ADAMTS16: variants seen among roughly 807,000 people sequenced by gnomAD.
The protein encoded by ADAMTS16 is A disintegrin and metalloproteinase with thrombospondin motifs 16.
A neutral mutation model predicts 145.8 loss-of-function variants in ADAMTS16; 94 were observed. The observed-to-expected ratio is 0.64, with a 90% CI of 0.55 to 0.77. ADAMTS16 has a LOEUF of 0.77. ADAMTS16 is among the 30% of genes least tolerant of loss of function. The pLI is 0.00. For synonymous variants in ADAMTS16, 659 were observed against 604.3 expected, an observed-to-expected ratio of 1.09 and a Z score of -1.33; for missense variants, 1,585 against 1,591.5, an observed-to-expected ratio of 1.00 and a Z score of 0.07.
chr5:5,257,664 C>G (rs1035400056), intron 17 of ADAMTS16, among the ~76,000 whole-genome samples: 3 of 152,218 alleles, frequency 2.0e-5, no homozygotes, highest in African/African-American at 7.2e-5. Flanking sequence ...ACTTCTGACA[C>G]CAAATTGGTG....
intron 12 of ADAMTS16, 71 bp downstream of exon 12, chr5:5,232,587 C>T (rs1158506210): frequency 3.5e-5 from 49 of 1,390,870 alleles, no homozygotes; most frequent in Middle Eastern, 2.3e-4. Context: ...AGCAGTATGC[C>T]TGTGTCTCAG....
At chr5:5,304,768 C>G (rs1435248778) in intron 20 of ADAMTS16, among the ~76,000 whole-genome samples, 7 of 152,072 alleles carry the variant, frequency 4.6e-5, no homozygotes, top group African/African-American at 1.7e-4. Context: ...ACTTCAGGTC[C>G]TCTTTCACCT....
intron 11 of ADAMTS16, among the ~76,000 whole-genome samples, chr5:5,231,562 C>T (rs1736925204): frequency 6.6e-6 from 1 of 152,140 alleles, no homozygotes; most frequent in Admixed American, 6.5e-5. Context: ...AAGAGACAAA[C>T]ATCTTCCTTC....
At chr5:5,247,997 G>A (rs1042211284) in intron 17 of ADAMTS16, among the ~76,000 whole-genome samples, 10 of 152,216 alleles carry the variant, frequency 6.6e-5, no homozygotes, top group East Asian at 5.8e-4. Flanking sequence ...TCCCTCTTCC[G>A]AGTTCAAGGT....
chr5:5,150,850 G>T lies in ADAMTS16; in HGVS notation c.501+4395G>T, dbSNP rs188486028. ...ATCCTACTGCTTTCTGACTTCCATT[G>T]TTTCTGGTGAGAAGTCAACTGTTTA... On this transcript the variant is annotated intron_variant, in intron 3 of 22. Transcript: ENST00000274181. Among the ~76,000 whole-genome samples, 105 of 152,290 alleles carry T rather than the reference G, an allele frequency of 6.9e-4. No homozygotes were observed. In the East Asian group the frequency reaches 0.02, roughly 29 times the overall value.
intron 21 of ADAMTS16, among the ~76,000 whole-genome samples, chr5:5,309,575 C>T (rs992217830): frequency 3.3e-5 from 5 of 152,204 alleles, no homozygotes; most frequent in African/African-American, 1.2e-4. Flanking sequence ...TTTCCTCCTG[C>T]AGCACAGAAC....
intron 18 of ADAMTS16, among the ~76,000 whole-genome samples, chr5:5,290,656 A>G (rs1231955344): frequency 6.6e-6 from 1 of 152,164 alleles, no homozygotes; most frequent in Non-Finnish European, 1.5e-5. Flanking sequence ...ATCTCAAAGA[A>G]AAAAAAGGTG....
chr5:5,156,089 A>T (rs546033193), intron 3 of ADAMTS16, among the ~76,000 whole-genome samples: 10 of 152,284 alleles, frequency 6.6e-5, no homozygotes, highest in African/African-American at 2.4e-4. Context: ...CCTTCCTTAG[A>T]CTGTCCGCAT....
At chr5:5,168,351 A>T in intron 3 of ADAMTS16, among the ~76,000 whole-genome samples, 1 of 94,998 alleles carries the variant, frequency 1.1e-5, no homozygotes, top group African/African-American at 4.2e-5. Context: ...TTTATCCGAA[A>T]CATTATTATT....
At position 5,212,204 on chromosome 5, in the gene ADAMTS16, G is replaced by T. The variant is rs539205431; in HGVS notation, c.1605+2958G>T. Reference sequence around the variant, plus strand: ...TAGTTTCTGGGGTTTTTTTTGTTTTGTTTTGTTTTGTTTTTTTTTTTGAGA... The same window carrying T: ...TAGTTTCTGGGGTTTTTTTTGTTTTTTTTTGTTTTGTTTTTTTTTTTGAGA... On this transcript the variant is annotated intron_variant, in intron 10 of 22. Coordinates refer to ENST00000274181, the MANE Select transcript of ADAMTS16 (RefSeq NM_139056.4). Among the ~76,000 whole-genome samples, 207 of 84,496 alleles carry T rather than the reference G, an allele frequency of 2.4e-3. 7 individuals are homozygous for T. The highest frequency in any genetic ancestry group is 0.015 in the East Asian group (10 of 648). The allele number at this position is 84,496 out of a possible 152,430, so 55.4% of individuals were successfully genotyped here. A position where few individuals can be genotyped will look rare whatever the true frequency, so the allele number is the denominator to read the frequency against.
intron 18 of ADAMTS16, among the ~76,000 whole-genome samples, chr5:5,270,580 C>T (rs964333078): frequency 6.6e-6 from 1 of 152,220 alleles, no homozygotes; most frequent in Non-Finnish European, 1.5e-5. Context: ...TAAAGCAAAA[C>T]TATCCATGGC....
intron 3 of ADAMTS16, among the ~76,000 whole-genome samples, chr5:5,180,694 C>A (rs1735314962): frequency 6.6e-6 from 1 of 152,136 alleles, no homozygotes; most frequent in South Asian, 2.1e-4. Flanking sequence ...CAAATTAATA[C>A]CTTTTGGAAA....
At chr5:5,148,912 C>G (rs2126507803) in intron 3 of ADAMTS16, among the ~76,000 whole-genome samples, 1 of 152,206 alleles carries the variant, frequency 6.6e-6, no homozygotes, top group Middle Eastern at 3.4e-3. Context: ...CTCTGCGTGC[C>G]TTGCTGGTAG....
chr5:5,229,373 C>A (rs2399736), intron 11 of ADAMTS16, among the ~76,000 whole-genome samples: 2 of 151,124 alleles, frequency 1.3e-5, no homozygotes, highest in Non-Finnish European at 2.9e-5. Context: ...ACGTTAGGTT[C>A]CGTTCCAGTC....
In ADAMTS16 at chr5:5,232,427, C is replaced by T; in HGVS notation, c.1761C>T (p.Gly587=). The change falls in exon 12 of 23, where the codon GGC becomes GGT. Residue 587 remains glycine (G), a synonymous_variant. Coordinates refer to ENST00000274181, the MANE Select transcript of ADAMTS16 (RefSeq NM_139056.4). ...YGDEGPKPTH[G]HWSDWSSWSP... is the part of the protein sequence containing the mutation. ...ATGAAGGCCCCAAGCCCACCCATGGCCACTGGTCGGACTGGTCTTCTTGGT... is the reference window on the plus strand; with the variant it reads ...ATGAAGGCCCCAAGCCCACCCATGGTCACTGGTCGGACTGGTCTTCTTGGT... 4 of 1,614,006 alleles carry T rather than the reference C, an allele frequency of 2.5e-6. No individual in the cohort carries two copies. Among genetic ancestry groups the T allele is most frequent in the Non-Finnish European group, 3.4e-6 (4 of 1,180,010 alleles).
At chr5:5,234,130 C>T (rs1035342250) in intron 12 of ADAMTS16, among the ~76,000 whole-genome samples, 8 of 152,184 alleles carry the variant, frequency 5.3e-5, no homozygotes, top group Non-Finnish European at 8.8e-5. Flanking sequence ...AGCATGAGCT[C>T]ACCTCACCCC....
In ADAMTS16 at chr5:5,236,301, C is replaced by CTTT. The variant is rs71604119; in HGVS notation, c.2024-660_2024-658dup. Reference sequence around the variant, plus strand: ...ATTTTCATCATTAATTGTCCCTCCCCTTTTTTTTTTACCAAGAAGAGAACA... The same window carrying CTTT: ...ATTTTCATCATTAATTGTCCCTCCCCTTTTTTTTTTTTTACCAAGAAGAGAACA... On this transcript the variant is annotated intron_variant, in intron 13 of 22. Coordinates refer to ENST00000274181, the MANE Select transcript of ADAMTS16 (RefSeq NM_139056.4). 4.2e-4 allele frequency among the ~76,000 whole-genome samples: 63 copies of CTTT among 148,864 alleles called. 1 individual carries two copies. In the South Asian group the frequency reaches 5.1e-3, roughly 12 times the overall value.
intron 8 of ADAMTS16, 23 bp from the exon 9 acceptor site, chr5:5,200,109 C>CTG (rs1735915643): frequency 1.5e-6 from 2 of 1,366,094 alleles, no homozygotes; most frequent in African/African-American, 1.4e-5. Context: ...AAAGAACCAT[C>CTG]TCTCTCTCTC....
At chr5:5,211,988 G>A (rs906601500) in intron 10 of ADAMTS16, among the ~76,000 whole-genome samples, 1 of 151,982 alleles carries the variant, frequency 6.6e-6, no homozygotes, top group Admixed American at 6.6e-5. Context: ...ATTCTGTGGA[G>A]ACTTGACATG....
Sources: gnomAD v4.1 joint callset for allele counts (sites outside exome capture counted in the v4.1 genomes callset) on GRCh38, gnomAD v4.1.1 for gene constraint, MANE v1.5 for transcripts, NCBI Gene and HGNC (gene_info 2026-07-23, HGNC 2026-07-21) for gene names.